CCNT1: variants seen among roughly 807,000 people sequenced by gnomAD.
CCNT1 encodes the protein cyclin-T1.
Under a neutral mutation model 67.3 loss-of-function variants are expected in CCNT1, and 18 were observed. The ratio of observed to expected loss-of-function variants is 0.27; its 90% CI spans 0.18 to 0.40. CCNT1 has a LOEUF of 0.40. CCNT1 is among the 10% of genes least tolerant of loss of function. The pLI is 1.00. For missense variants in CCNT1, 744 were observed against 884.9 expected (o/e 0.84, Z 2.02); for synonymous variants, 333 against 310.3 (o/e 1.07, Z -0.77).
intron 2 of CCNT1, among the ~76,000 whole-genome samples, chr12:48,707,694 A>T (rs544744704): frequency 6.8e-6 from 1 of 147,456 alleles, no homozygotes; most frequent in Non-Finnish European, 1.5e-5. Context: ...ATAAATTTTT[A>T]AAACAAAGTA....
chr12:48,710,757 T>A (rs1940436093), intron 2 of CCNT1, among the ~76,000 whole-genome samples: 1 of 152,170 alleles, frequency 6.6e-6, no homozygotes, highest in Non-Finnish European at 1.5e-5. Context: ...TTGTTAAGCT[T>A]AACAGATAAG....
intron 6 of CCNT1, among the ~76,000 whole-genome samples, chr12:48,696,806 G>A (rs1940174870): frequency 6.6e-6 from 1 of 152,164 alleles, no homozygotes; most frequent in East Asian, 1.9e-4. Context: ...TGTTGGGCAA[G>A]TCATTTGGTA....
rs1461235766 is a variant in CCNT1, at chr12:48,716,557, T to C, written c.119A>G (p.Gln40Arg). 1 of 1,614,122 alleles carries C rather than the reference T, an allele frequency of 6.2e-7. No individual in the cohort carries two copies. The highest frequency in any genetic ancestry group is 1.3e-5 in the African/African-American group (1 of 74,952). Residue 40 changes from glutamine to arginine, a missense_variant, in exon 1 of 9, where the codon CAG (glutamine) becomes CGG (arginine). Gln to Arg is a conservative substitution (Grantham distance 43, BLOSUM62 1). Around this residue, in one of 3 missense-constraint regions of CCNT1, gnomAD observed 142 missense variants for 277.0 expected, o/e 0.51. Coordinates refer to ENST00000261900, the MANE Select transcript of CCNT1 (RefSeq NM_001240.4). ...DPDKELSYRQ[Q>R]AANLLQDMGQ... ...CATGTCCTGAAGCAGATTGGCCGCC[T>C]GCTGGCGATAAGAAAGTTCTTTATC...
chr12:48,703,638 TATA>T (rs1940308322), intron 3 of CCNT1, among the ~76,000 whole-genome samples: 1 of 149,814 alleles, frequency 6.7e-6, no homozygotes, highest in Admixed American at 6.6e-5. Context: ...AATAAAAATG[TATA>T]ATAATATTTT....
intron 3 of CCNT1, among the ~76,000 whole-genome samples, chr12:48,705,208 C>G (rs1321758606): frequency 6.6e-6 from 1 of 152,302 alleles, no homozygotes; most frequent in East Asian, 1.9e-4. Context: ...ACATCCCATG[C>G]TCAAGCAACC....
At chr12:48,701,556 G>A (rs528401709) in intron 3 of CCNT1, among the ~76,000 whole-genome samples, 1 of 151,736 alleles carries the variant, frequency 6.6e-6, no homozygotes, top group African/African-American at 2.4e-5. Flanking sequence ...AAGTTTTATG[G>A]TTCATGTGAT....
intron 3 of CCNT1, among the ~76,000 whole-genome samples, chr12:48,701,481 G>A (rs1354157351): frequency 6.6e-6 from 1 of 151,862 alleles, no homozygotes; most frequent in Non-Finnish European, 1.5e-5. Flanking sequence ...ATGCTGAGAG[G>A]TAACAGTTTA....
chr12:48,715,100 A>T (rs1401362325), intron 1 of CCNT1, among the ~76,000 whole-genome samples: 1 of 152,244 alleles, frequency 6.6e-6, no homozygotes, highest in African/African-American at 2.4e-5. Flanking sequence ...GGCGCGAGCC[A>T]CCGCGCCTGG....
chr12:48,712,755 C>T (rs905795767), intron 2 of CCNT1, among the ~76,000 whole-genome samples: 11 of 151,924 alleles, frequency 7.2e-5, no homozygotes, highest in East Asian at 3.9e-4. Flanking sequence ...GCCTGGCCAA[C>T]GTGGTGAAAC....
In CCNT1 at chr12:48,698,180, C is replaced by G. The variant is rs753870569; in HGVS notation, c.500G>C (p.Ser167Thr). ...VVKCTQLVRA[S>T]KDLAQTSYFM... ...GTAAGAAGTCTGTGCTAAGTCCTTG[C>G]TTGCTAAAGAAAAAAAAAAAAAGTC... is the stretch of plus-strand genomic sequence containing the variant. The change falls in exon 6 of 9, where the codon AGC becomes ACC. Residue 167 changes from serine to threonine, a missense_variant. This residue lies in a region of CCNT1 where 142 missense variants were observed against 277.0 expected (regional missense o/e 0.51). Transcript: ENST00000261900. 1.2e-6 allele frequency: 1 copy of G among 843,216 alleles called. No individual in the cohort carries two copies. The highest frequency in any genetic ancestry group is 1.7e-6 in the Non-Finnish European group (1 of 584,842). The allele number at this position is 843,216 out of a possible 1,614,324, so 52.2% of individuals were successfully genotyped here.
At chr12:48,707,229 A>C (rs1432928294) in intron 2 of CCNT1, among the ~76,000 whole-genome samples, 1 of 152,144 alleles carries the variant, frequency 6.6e-6, no homozygotes. Flanking sequence ...TTTCAATACT[A>C]AACTGAGTAG....
chr12:48,701,161 A>T, intron 3 of CCNT1, 88 bp from the exon 4 acceptor site: 1 of 665,500 alleles, frequency 1.5e-6, no homozygotes, highest in Non-Finnish European at 2.6e-6. Flanking sequence ...AGGGAAACCA[A>T]AACAATAAAA....
rs1267074618 is a variant in CCNT1 at position 48,701,160 on chromosome 12, A to G, written c.373-87T>C. Reference sequence around the variant, plus strand: ...TCTAACAATCCCTTCCAGGGAAACCAAAACAATAAAAGGCATGAGTGGAGT... The same window carrying G: ...TCTAACAATCCCTTCCAGGGAAACCGAAACAATAAAAGGCATGAGTGGAGT... On this transcript the variant is annotated intron_variant, in intron 3 of 8. Transcript: ENST00000261900. 4.5e-6 allele frequency: 3 copies of G among 663,760 alleles called. No individual in the cohort carries two copies. In the African/African-American group the frequency reaches 5.6e-5, roughly 12 times the overall value. 41.1% of individuals were successfully genotyped at this position (663,760 alleles called of 1,614,324 possible).
rs1940098958 is a variant in CCNT1 at position 48,692,946 on chromosome 12, CA to C, written c.*86del. 1.2e-6 allele frequency: 1 copy of C among 837,448 alleles called. No individual in the cohort carries two copies. The highest frequency in any genetic ancestry group is 1.9e-5 in the South Asian group (1 of 52,864). The allele number at this position is 837,448 out of a possible 1,614,324, so 51.9% of individuals were successfully genotyped here. ...TCCCTAGTCCAAGGATGACATATTT[CA>C]TAAGTAATTTTCTTAGTCCAAAAAA... On this transcript the variant is annotated 3_prime_UTR_variant, in exon 9 of 9. Coordinates refer to ENST00000261900, the MANE Select transcript of CCNT1 (RefSeq NM_001240.4).
In CCNT1 at chr12:48,695,879, T is replaced by C. The variant is rs1401693356; in HGVS notation, c.707-50A>G. 6 of 1,534,818 alleles carry C rather than the reference T, an allele frequency of 3.9e-6. No individual in the cohort carries two copies. In the African/African-American group the frequency reaches 4.1e-5, roughly 10 times the overall value. ...GAAAGACTGAGAGAAACAGAAGTAA[T>C]GAAACAAGAATAACCTGAACTACTA... On this transcript the variant is annotated intron_variant, in intron 7 of 8. Coordinates refer to ENST00000261900, the MANE Select transcript of CCNT1 (RefSeq NM_001240.4).
chr12:48,715,427 C>G (rs540208801), intron 1 of CCNT1, among the ~76,000 whole-genome samples: 3 of 151,710 alleles, frequency 2.0e-5, no homozygotes, highest in Non-Finnish European at 2.9e-5. Flanking sequence ...TCCTAACAAA[C>G]AAAAATATGT....
At position 48,696,144 on chromosome 12, in the gene CCNT1, A is replaced by G; in HGVS notation, c.561T>C (p.Phe187=). Residue 187 remains phenylalanine, a synonymous_variant, in exon 7 of 9, where the codon TTT becomes TTC. Coordinates refer to ENST00000261900, the MANE Select transcript of CCNT1 (RefSeq NM_001240.4). The part of the protein sequence containing the change: ...MATNSLHLTT[F]SLQYTPPVVA... ...CCACAGGAGGTGTGTACTGCAGGCT[A>G]AATGTGGTCAAATGCAGGCTGACAT... 6.2e-7 allele frequency: 1 copy of G among 1,611,208 alleles called. No homozygotes were observed. Among genetic ancestry groups the G allele is most frequent in the Non-Finnish European group, 8.5e-7 (1 of 1,178,852 alleles).
intron 3 of CCNT1, among the ~76,000 whole-genome samples, chr12:48,705,339 T>G (rs1940339376): frequency 6.6e-6 from 1 of 152,146 alleles, no homozygotes; most frequent in African/African-American, 2.4e-5. Flanking sequence ...CTCACTTTGT[T>G]GCCAGAGCTT....
At chr12:48,704,141 A>G (rs575608215) in intron 3 of CCNT1, among the ~76,000 whole-genome samples, 2 of 152,180 alleles carry the variant, frequency 1.3e-5, no homozygotes, top group Non-Finnish European at 2.9e-5. Flanking sequence ...GACAAAATAC[A>G]TGCACACATA....
Sources: gnomAD v4.1 joint callset for allele counts (sites outside exome capture counted in the v4.1 genomes callset) on GRCh38, gnomAD v4.1.1 for gene constraint, gnomAD v4.1.1 regional missense constraint, MANE v1.5 for transcripts, NCBI Gene and HGNC (gene_info 2026-07-23, HGNC 2026-07-21) for gene names.